The following KAZN variants were observed in gnomAD, a reference collection of about 807,000 sequenced individuals.
The protein encoded by KAZN is kazrin, periplakin interacting protein, also known as kazrin.
Under a neutral mutation model 87.4 loss-of-function variants are expected in KAZN, and 40 were observed. The observed-to-expected ratio is 0.46, with a 90% CI of 0.36 to 0.60. The LOEUF (loss-of-function observed/expected upper bound fraction) is 0.60. Among genes scored for constraint, KAZN ranks in the 20% least tolerant of loss-of-function variants. The pLI is 0.00. For missense variants in KAZN, 898 were observed against 1,073.9 expected, an observed-to-expected ratio of 0.84 and a Z score of 2.29; for synonymous variants, 466 against 458.3, an observed-to-expected ratio of 1.02 and a Z score of -0.22.
rs1423419301 is a variant in KAZN, at chr1:14,274,887, G to A, written c.249+94295G>A. ...GGTCTGTCTTTAATATTTCTTCAGC[G>A]TGACCCAGTTGTCCATAAGTCATTT... On this transcript the variant is annotated intron_variant, in intron 2 of 16. Coordinates refer to the KAZN transcript ENST00000636203. 2.7e-5 allele frequency among the ~76,000 whole-genome samples: 4 copies of A among 150,326 alleles called. No homozygotes were observed. The East Asian group carries it at 5.8e-4, about 22-fold the overall frequency.
At chr1:14,272,504 A>G (rs941809712) in intron 2 of KAZN, among the ~76,000 whole-genome samples, 4 of 152,226 alleles carry the variant, frequency 2.6e-5, no homozygotes, top group Non-Finnish European at 5.9e-5. Context: ...CATGTTTTGC[A>G]TGCATGTTAG....
chr1:14,790,308 G>A (rs1225708740), intron 1 of KAZN, among the ~76,000 whole-genome samples: 1 of 151,874 alleles, frequency 6.6e-6, no homozygotes, highest in Admixed American at 6.6e-5. Context: ...CACCATGCCT[G>A]GCAGCATTCC....
intron 1 of KAZN, among the ~76,000 whole-genome samples, chr1:14,702,708 G>C (rs1026105566): frequency 2.0e-5 from 3 of 152,128 alleles, no homozygotes; most frequent in African/African-American, 7.2e-5. Flanking sequence ...TATTCTTTTT[G>C]AGAGTCACCT....
At chr1:14,584,983 G>A (rs1218012808) in intron 2 of KAZN, among the ~76,000 whole-genome samples, 2 of 152,120 alleles carry the variant, frequency 1.3e-5, no homozygotes, top group Non-Finnish European at 2.9e-5. Context: ...GAGAAAATTA[G>A]GTCATGTGGG....
At chr1:14,924,351 C>T (rs1233364448) in intron 1 of KAZN, 2 of 988,480 alleles carry the variant, frequency 2.0e-6, no homozygotes, top group Non-Finnish European at 2.4e-6. Context: ...GTAGCGTCCC[C>T]CCGGGCACCC....
chr1:14,045,487 T>G (rs1004109109), intron 1 of KAZN, among the ~76,000 whole-genome samples: 10 of 152,236 alleles, frequency 6.6e-5, no homozygotes, highest in African/African-American at 2.4e-4. Flanking sequence ...ATCAAATGAA[T>G]ATTATATTTG....
intron 2 of KAZN, among the ~76,000 whole-genome samples, chr1:14,455,909 T>G (rs1015056891): frequency 3.3e-5 from 5 of 152,328 alleles, no homozygotes; most frequent in Non-Finnish European, 7.4e-5. Context: ...GAAATGTCCC[T>G]TAGAGATAGC....
At chr1:14,740,109 C>T (rs1227006943) in intron 1 of KAZN, among the ~76,000 whole-genome samples, 1 of 152,076 alleles carries the variant, frequency 6.6e-6, no homozygotes, top group Non-Finnish European at 1.5e-5. Flanking sequence ...AGACCCAAGC[C>T]GAGTGTGTGC....
intron 1 of KAZN, among the ~76,000 whole-genome samples, chr1:14,626,995 T>G (rs1444631090): frequency 6.6e-6 from 1 of 152,104 alleles, no homozygotes; most frequent in African/African-American, 2.4e-5. Flanking sequence ...TCGGTAAATA[T>G]TTATTACTTG....
At chr1:14,616,479 A>T (rs1202390389) in intron 1 of KAZN, among the ~76,000 whole-genome samples, 1 of 152,148 alleles carries the variant, frequency 6.6e-6, no homozygotes, top group Non-Finnish European at 1.5e-5. Context: ...TTAGAAAAAA[A>T]AAAAAAGTAC....
intron 2 of KAZN, among the ~76,000 whole-genome samples, chr1:14,522,252 TAAC>T (rs1671628044): frequency 1.3e-5 from 2 of 152,298 alleles, no homozygotes; most frequent in Admixed American, 1.3e-4. Context: ...GAGATGCCTG[TAAC>T]TGACCTAACT....
intron 1 of KAZN, among the ~76,000 whole-genome samples, chr1:14,001,978 A>G (rs780618626): frequency 6.6e-6 from 1 of 152,366 alleles, no homozygotes; most frequent in South Asian, 2.1e-4. Context: ...AAGCAATTGC[A>G]ACAAAAGCCA....
intron 2 of KAZN, among the ~76,000 whole-genome samples, chr1:14,479,929 C>A (rs1471276381): frequency 6.6e-6 from 1 of 152,168 alleles, no homozygotes; most frequent in Non-Finnish European, 1.5e-5. Context: ...ACACATAAAC[C>A]AAGTGTCCAA....
chr1:14,986,687 G>T lies in KAZN; in HGVS notation c.418+25812G>T, dbSNP rs114042027. Among the ~76,000 whole-genome samples, 711 of 152,184 alleles carry T rather than the reference G, an allele frequency of 4.7e-3. 6 individuals carry two copies. The highest frequency in any genetic ancestry group is 0.015 in the African/African-American group (620 of 41,530). On this transcript the variant is annotated intron_variant, in intron 2 of 14. Transcript: ENST00000376030. ...AGGGAATAACCTGTCACCTTAATTTGAGGTCACTTCAAGAAAGTGAGGCTC... is the reference window on the plus strand; with the variant it reads ...AGGGAATAACCTGTCACCTTAATTTTAGGTCACTTCAAGAAAGTGAGGCTC...
chr1:15,045,927 T>C (rs1265203880), intron 4 of KAZN, among the ~76,000 whole-genome samples: 1 of 152,170 alleles, frequency 6.6e-6, no homozygotes, highest in Non-Finnish European at 1.5e-5. Context: ...CAATTCGAGA[T>C]GAGATTTGGC....
intron 2 of KAZN, among the ~76,000 whole-genome samples, chr1:14,381,047 A>C (rs1398674518): frequency 2.0e-5 from 3 of 152,296 alleles, no homozygotes; most frequent in African/African-American, 7.2e-5. Flanking sequence ...GAGGCAGAGG[A>C]GTCTCATCCC....
chr1:14,905,056 C>G (rs1400777691), intron 1 of KAZN, among the ~76,000 whole-genome samples: 3 of 151,656 alleles, frequency 2.0e-5, no homozygotes, highest in Admixed American at 6.6e-5. Context: ...CCACCATGCC[C>G]AGCCTTGTTT....
chr1:14,528,351 A>G (rs1303854425), intron 2 of KAZN, among the ~76,000 whole-genome samples: 1 of 145,638 alleles, frequency 6.9e-6, no homozygotes, highest in African/African-American at 2.5e-5. Flanking sequence ...AAAAAAAAAA[A>G]AAAAAAAAAA....
At position 14,848,133 on chromosome 1, in the gene KAZN, C is replaced by G. The variant is rs548388316; in HGVS notation, c.227-112551C>G. ...CCCACCTTGGATGTGTTCCTTGCTCCCTCTTGCAGCTTCTTCCTTCCCACA... is the reference window on the plus strand; with the variant it reads ...CCCACCTTGGATGTGTTCCTTGCTCGCTCTTGCAGCTTCTTCCTTCCCACA... On this transcript the variant is annotated intron_variant, in intron 1 of 14. Coordinates refer to ENST00000376030, the MANE Select transcript of KAZN (RefSeq NM_201628.3). 2.6e-5 allele frequency among the ~76,000 whole-genome samples: 4 copies of G among 152,262 alleles called. No individual in the cohort carries two copies. In the East Asian group the frequency reaches 7.7e-4, roughly 29 times the overall value.
Sources: allele counts gnomAD v4.1 joint callset (sites outside exome capture counted in the v4.1 genomes callset), GRCh38; gene constraint gnomAD v4.1.1; transcripts MANE v1.5; gene names NCBI Gene and HGNC (gene_info 2026-07-23, HGNC 2026-07-21).